Variants in CCDC69 observed in about 807,000 individuals in gnomAD.
CCDC69 encodes coiled-coil domain containing 69.
A neutral mutation model predicts 40.3 loss-of-function variants in CCDC69; 38 were observed. The ratio of observed to expected loss-of-function variants is 0.94; its 90% CI spans 0.73 to 1.24. CCDC69 has a LOEUF of 1.24. Ranked by LOEUF, CCDC69 falls within the 50% of genes most tolerant of loss-of-function variation. The probability of loss-of-function intolerance (pLI) is 0.00; values close to 1 mark genes in which losing one functional copy is unlikely to be tolerated. For synonymous variants in CCDC69, 141 were observed against 138.9 expected (o/e 1.02, Z -0.11); for missense variants, 389 against 357.9 (o/e 1.09, Z -0.70).
intron 4 of CCDC69, among the ~76,000 whole-genome samples, chr5:151,195,777 C>A (rs1239030694): frequency 6.6e-6 from 1 of 150,686 alleles, no homozygotes; most frequent in Non-Finnish European, 1.5e-5. Flanking sequence ...CCACACACAC[C>A]CACACCCACA....
At chr5:151,206,713 C>T (rs986674968) in intron 1 of CCDC69, among the ~76,000 whole-genome samples, 1 of 151,466 alleles carries the variant, frequency 6.6e-6, no homozygotes, top group South Asian at 2.1e-4. Flanking sequence ...TCACTGTAAC[C>T]TCCACCTCCT....
chr5:151,223,813 C>A, intron 1 of CCDC69, 110 bp downstream of exon 1: 1 of 1,084,306 alleles, frequency 9.2e-7, no homozygotes, highest in Non-Finnish European at 1.3e-6. Context: ...GTTCTCCGTC[C>A]GGTATCCCGG....
chr5:151,182,287 G>C lies in CCDC69; in HGVS notation c.*1150C>G, dbSNP rs547333251. 1 of 152,388 alleles carries C rather than the reference G, an allele frequency of 6.6e-6. No individual in the cohort carries two copies. Among genetic ancestry groups the C allele is most frequent in the African/African-American group, 2.4e-5 (1 of 41,556 alleles). The allele number at this position is 152,388 out of a possible 1,614,324, so 9.4% of individuals were successfully genotyped here. A position where few individuals can be genotyped will look rare whatever the true frequency, so the allele number is the denominator to read the frequency against. On this transcript the variant is annotated 3_prime_UTR_variant, in exon 9 of 9. Coordinates refer to ENST00000355417, the MANE Select transcript of CCDC69 (RefSeq NM_015621.3). ...ACATGAAGCTTCCTGAGAAGGATCC[G>C]AAATCCACAGACTATCAGGACTGGA...
chr5:151,191,568 C>G (rs1217218349), intron 4 of CCDC69, among the ~76,000 whole-genome samples: 1 of 152,094 alleles, frequency 6.6e-6, no homozygotes, highest in African/African-American at 2.4e-5. Context: ...AGAAAGAGAA[C>G]CAGAAAATCT....
chr5:151,183,424 CAG>C lies in CCDC69; in HGVS notation c.*11_*12del. On this transcript the variant is annotated 3_prime_UTR_variant, in exon 9 of 9. Transcript: ENST00000355417. ...GTGACTTCAGGCGTCGTGGTGGGCC[CAG>C]GCCCTGCACCCTATGTGGCGAGGAA... 6.3e-7 allele frequency: 1 copy of C among 1,595,524 alleles called. No homozygotes were observed. The highest frequency in any genetic ancestry group is 8.5e-7 in the Non-Finnish European group (1 of 1,172,698).
At position 151,183,172 on chromosome 5, in the gene CCDC69, T is replaced by G. The variant is rs1219874318; in HGVS notation, c.*265A>C. The G allele has an allele frequency of 3.2e-6, 2 of 618,130 alleles. No homozygotes were observed. Among genetic ancestry groups the G allele is most frequent in the African/African-American group, 1.8e-5 (1 of 55,236 alleles). The allele number at this position is 618,130 out of a possible 1,614,324, so 38.3% of individuals were successfully genotyped here. ...CGGAACTTCTCGGATTGGGACAGAG[T>G]GCTGGGGCAGGGAGGAAATGTCTCC... On this transcript the variant is annotated 3_prime_UTR_variant, in exon 9 of 9. Coordinates refer to ENST00000355417, the MANE Select transcript of CCDC69 (RefSeq NM_015621.3).
At chr5:151,190,665 CAAAAAAA>C (rs35015191) in intron 4 of CCDC69, among the ~76,000 whole-genome samples, 7 of 93,522 alleles carry the variant, frequency 7.5e-5, no homozygotes, top group African/African-American at 2.7e-4. Context: ...GACTCTGTCT[CAAAAAAA>C]AAAAAAAAAA....
At chr5:151,194,849 G>A (rs533239856) in intron 4 of CCDC69, among the ~76,000 whole-genome samples, 2 of 132,896 alleles carry the variant, frequency 1.5e-5, no homozygotes, top group South Asian at 2.3e-4. Context: ...CCGAGATCAC[G>A]CCACTGCACT....
At chr5:151,223,520 A>C (rs1316189622) in intron 1 of CCDC69, among the ~76,000 whole-genome samples, 5 of 152,216 alleles carry the variant, frequency 3.3e-5, no homozygotes, top group African/African-American at 7.2e-5. Context: ...ACACTCTTCG[A>C]GCAGCCCTGA....
At chr5:151,184,652 A>G in intron 7 of CCDC69, 1 of 492,824 alleles carries the variant, frequency 2.0e-6, no homozygotes, top group Admixed American at 3.4e-5. Context: ...TGGTAAAAAA[A>G]AATTACAGGC....
At chr5:151,214,301 G>A (rs893497306) in intron 1 of CCDC69, among the ~76,000 whole-genome samples, 14 of 152,226 alleles carry the variant, frequency 9.2e-5, no homozygotes, top group African/African-American at 3.4e-4. Flanking sequence ...CCTATTGGCC[G>A]AGGGTAGAGG....
rs1375964414 is a variant in CCDC69 at position 151,185,527 on chromosome 5, G to A, written c.510C>T (p.Pro170=). The change falls in exon 7 of 9, where the codon CCC becomes CCT. Residue 170 remains proline, a synonymous_variant. Transcript: ENST00000355417. ...YKKHIQDYGS[P]SQFWEQELES... The stretch of plus-strand genomic sequence containing the variant: ...CCAGCTCCTGCTCCCAGAACTGGCT[G>A]GGGCTCCCATAATCCTAGACAGGGA... 1 of 1,613,976 alleles carries A rather than the reference G, an allele frequency of 6.2e-7. No homozygotes were observed. The highest frequency in any genetic ancestry group is 1.7e-5 in the Admixed American group (1 of 60,006).
chr5:151,213,298 G>C (rs915995343), intron 1 of CCDC69, among the ~76,000 whole-genome samples: 20 of 152,136 alleles, frequency 1.3e-4, no homozygotes, highest in African/African-American at 4.8e-4. Context: ...CCAGGCTAGA[G>C]TGCAGTGGCG....
intron 5 of CCDC69, 38 bp from the exon 6 acceptor site, chr5:151,186,162 C>G (rs1752507552): frequency 7.0e-7 from 1 of 1,429,692 alleles, no homozygotes; most frequent in African/African-American, 1.4e-5. Context: ...TCAAAGCCTG[C>G]CTCATAAATG....
chr5:151,219,272 C>T (rs571631769), intron 1 of CCDC69, among the ~76,000 whole-genome samples: 24 of 152,308 alleles, frequency 1.6e-4, no homozygotes, highest in African/African-American at 5.3e-4. Flanking sequence ...ATTCCTTCTG[C>T]CTAGCATGCC....
At chr5:151,216,994 TGGAA>T (rs2114004394) in intron 1 of CCDC69, among the ~76,000 whole-genome samples, 1 of 152,240 alleles carries the variant, frequency 6.6e-6, no homozygotes, top group African/African-American at 2.4e-5. Context: ...TACAGCCAGA[TGGAA>T]GGACTACATT....
chr5:151,190,202 C>T (rs753045032), intron 4 of CCDC69, among the ~76,000 whole-genome samples: 20 of 152,124 alleles, frequency 1.3e-4, no homozygotes, highest in Non-Finnish European at 2.4e-4. Context: ...CTGTTCTTCC[C>T]TTGAGCTCTT....
intron 1 of CCDC69, chr5:151,213,027 C>T (rs1386818697): frequency 5.2e-6 from 2 of 383,720 alleles, no homozygotes; most frequent in African/African-American, 4.2e-5. Flanking sequence ...TGAACTCTAA[C>T]AGTCTATAAT....
At chr5:151,187,219 T>C (rs1221173128) in intron 5 of CCDC69, among the ~76,000 whole-genome samples, 167 bp downstream of exon 5, 4 of 152,228 alleles carry the variant, frequency 2.6e-5, no homozygotes, top group South Asian at 2.1e-4. Flanking sequence ...CTTGAGCTAA[T>C]AGCCTGGTTA....
Sources: allele counts gnomAD v4.1 joint callset (sites outside exome capture counted in the v4.1 genomes callset), GRCh38; gene constraint gnomAD v4.1.1; transcripts MANE v1.5; gene names NCBI Gene and HGNC (gene_info 2026-07-23, HGNC 2026-07-21).